The following CDH4 variants were observed in gnomAD, a reference collection of about 807,000 sequenced individuals.
CDH4 encodes the protein cadherin-4.
CDH4 carries 33 observed loss-of-function variants against 86.0 expected under a neutral mutation model. The observed-to-expected ratio is 0.38, with a 90% CI of 0.29 to 0.51. CDH4 has a LOEUF of 0.51. Among genes scored for constraint, CDH4 ranks in the 20% least tolerant of loss-of-function variants. The pLI is 0.86. For synonymous variants in CDH4, 555 were observed against 549.4 expected (o/e 1.01, Z -0.14); for missense variants, 1,114 against 1,307.4 (o/e 0.85, Z 2.28).
intron 2 of CDH4, among the ~76,000 whole-genome samples, chr20:61,562,172 C>T (rs1379079635): frequency 3.0e-5 from 3 of 98,620 alleles, no homozygotes; most frequent in East Asian, 3.2e-4. Flanking sequence ...AGAGGGACCT[C>T]CCTGTGGAGA....
intron 2 of CDH4, among the ~76,000 whole-genome samples, chr20:61,653,437 C>T (rs1482415883): frequency 1.5e-5 from 2 of 136,946 alleles, no homozygotes; most frequent in Non-Finnish European, 3.3e-5. Context: ...GGCCCGTTCT[C>T]AATGAGCTGT....
At chr20:61,434,318 CCT>C (rs1392795547) in intron 2 of CDH4, among the ~76,000 whole-genome samples, 2 of 152,154 alleles carry the variant, frequency 1.3e-5, no homozygotes, top group African/African-American at 4.8e-5. Context: ...AAGCTAGTCC[CCT>C]CTCTCCGCTA....
chr20:61,844,678 A>G lies in CDH4; in HGVS notation c.587A>G (p.Asp196Gly). Residue 196 changes from aspartate to glycine, a missense_variant, in exon 5 of 16, where the codon GAC becomes GGC. By Grantham distance (94) the Asp-to-Gly change is moderately conservative (BLOSUM62 -1). Coordinates refer to ENST00000614565, the MANE Select transcript of CDH4 (RefSeq NM_001794.5). ...GCTCCTGCCTTTCAGATCCGGTCCG[A>G]CAAAGACAATGACATCCCCATCCGG... ...FPQQLVRIRS[D>G]KDNDIPIRYS... 1 of 1,611,870 alleles carries G rather than the reference A, an allele frequency of 6.2e-7. No individual in the cohort carries two copies. The highest frequency in any genetic ancestry group is 8.5e-7 in the Non-Finnish European group (1 of 1,178,354).
At chr20:61,668,309 A>G (rs1009104639) in intron 2 of CDH4, among the ~76,000 whole-genome samples, 1 of 152,246 alleles carries the variant, frequency 6.6e-6, no homozygotes, top group Non-Finnish European at 1.5e-5. Flanking sequence ...AGACACGCAC[A>G]TGCATGTGCA....
chr20:61,490,992 G>A (rs190196252), intron 2 of CDH4, among the ~76,000 whole-genome samples: 4 of 152,260 alleles, frequency 2.6e-5, no homozygotes, highest in East Asian at 1.9e-4. Context: ...GGAATTTCTC[G>A]CCCACACTGG....
rs199968076 is a variant in CDH4 at position 61,415,324 on chromosome 20, G to GA, written c.169+160395dup. Among the ~76,000 whole-genome samples, 89 of 151,858 alleles carry GA rather than the reference G, an allele frequency of 5.9e-4. No individual in the cohort carries two copies. In the East Asian group the frequency reaches 0.014, roughly 25 times the overall value. ...TTTTAAATGTCTTAGTGGCCATGTT[G>GA]AAAAAAAAGTGAAAAGAAACAGTAA... On this transcript the variant is annotated intron_variant, in intron 2 of 15. Transcript: ENST00000614565.
chr20:61,441,144 C>T (rs919110668), intron 2 of CDH4, among the ~76,000 whole-genome samples: 4 of 152,214 alleles, frequency 2.6e-5, no homozygotes, highest in African/African-American at 9.6e-5. Context: ...CCACAGGTCA[C>T]GCAGAATCTC....
chr20:61,862,891 A>G (rs1187729129), intron 6 of CDH4, among the ~76,000 whole-genome samples: 1 of 152,198 alleles, frequency 6.6e-6, no homozygotes, highest in Non-Finnish European at 1.5e-5. Context: ...ACCTTCATCT[A>G]TACAGCACCG....
chr20:61,788,198 C>T (rs1978987174), intron 4 of CDH4, among the ~76,000 whole-genome samples: 3 of 152,184 alleles, frequency 2.0e-5, no homozygotes, highest in East Asian at 1.9e-4. Context: ...ACAGACTGGA[C>T]ATCTGTGACC....
chr20:61,746,471 G>A (rs1482259694), intron 3 of CDH4, among the ~76,000 whole-genome samples: 1 of 152,220 alleles, frequency 6.6e-6, no homozygotes, highest in Non-Finnish European at 1.5e-5. Flanking sequence ...GTTACATCAT[G>A]GATGAGGGTG....
At position 61,392,042 on chromosome 20, in the gene CDH4, T is replaced by TC. The variant is rs2084989160; in HGVS notation, c.169+137110dup. ...GGAGAGCTGGCTACTTCTCAACCCT[T>TC]CCCCCGCCTCGCTTGCCGTGGGTTT... On this transcript the variant is annotated intron_variant, in intron 2 of 15. Coordinates refer to ENST00000614565, the MANE Select transcript of CDH4 (RefSeq NM_001794.5). The surrounding 1 kb of genome is among the most constrained non-coding windows in gnomAD (Gnocchi z 5.7). 6.6e-6 allele frequency among the ~76,000 whole-genome samples: 1 copy of TC among 152,064 alleles called. No individual in the cohort carries two copies. The highest frequency in any genetic ancestry group is 6.5e-5 in the Admixed American group (1 of 15,272).
chr20:61,765,909 C>T (rs1019836169), intron 3 of CDH4, among the ~76,000 whole-genome samples: 1 of 152,094 alleles, frequency 6.6e-6, no homozygotes, highest in African/African-American at 2.4e-5. Context: ...TTCCCTGGAG[C>T]AGTCACCTGG....
Position 61,565,233 on chromosome 20 carries a change from G to T in CDH4, c.170-178330G>T, listed in dbSNP as rs376483639. Among the ~76,000 whole-genome samples the T allele has an allele frequency of 6.4e-4, 30 of 46,758 alleles. 2 individuals carry two copies. The highest frequency in any genetic ancestry group is 2.0e-3 in the African/African-American group (16 of 7,992). The allele number at this position is 46,758 out of a possible 152,430, so 30.7% of individuals were successfully genotyped here. On this transcript the variant is annotated intron_variant, in intron 2 of 15. Transcript: ENST00000614565. ...GTGCTCTCGGTGGTAGGTGGTGGTGGTGGTGGTGGCGGTGCTCTTGGTGAT... is the reference window on the plus strand; with the variant it reads ...GTGCTCTCGGTGGTAGGTGGTGGTGTTGGTGGTGGCGGTGCTCTTGGTGAT...
chr20:61,260,659 A>G (rs977883644), intron 2 of CDH4, among the ~76,000 whole-genome samples: 4 of 152,122 alleles, frequency 2.6e-5, no homozygotes, highest in Non-Finnish European at 5.9e-5. Context: ...CCAGACCCCC[A>G]CTGCCTCCAT....
chr20:61,803,809 C>T (rs977480742), intron 4 of CDH4, among the ~76,000 whole-genome samples: 3 of 152,244 alleles, frequency 2.0e-5, no homozygotes, highest in African/African-American at 4.8e-5. Flanking sequence ...TCCAGTGGCT[C>T]TGCAGCTTAG....
At chr20:61,891,049 T>C (rs1448238568) in intron 7 of CDH4, among the ~76,000 whole-genome samples, 1 of 150,936 alleles carries the variant, frequency 6.6e-6, no homozygotes, top group Non-Finnish European at 1.5e-5. Context: ...GAAGGAAGAG[T>C]GGGGTCTCAC....
chr20:61,857,317 C>T (rs1406729181), intron 6 of CDH4, among the ~76,000 whole-genome samples: 4 of 152,234 alleles, frequency 2.6e-5, no homozygotes, highest in Admixed American at 2.6e-4. Flanking sequence ...GTATGTGACC[C>T]TAAGGCTGGT....
chr20:61,302,357 C>G lies in CDH4; in HGVS notation c.169+47420C>G, dbSNP rs140488760. The stretch of plus-strand genomic sequence containing the variant: ...GCCAATTCATTATGCGTTTTCAAGA[C>G]TTTGCAAGCAGGTCTTTCTAAAATT... On this transcript the variant is annotated intron_variant, in intron 2 of 15. Transcript: ENST00000614565. Among the ~76,000 whole-genome samples the G allele has an allele frequency of 8.0e-3, 1,224 of 152,322 alleles. 18 individuals carry two copies. Among genetic ancestry groups the G allele is most frequent in the African/African-American group, 0.028 (1,162 of 41,578 alleles).
At chr20:61,520,289 C>G (rs1265825054) in intron 2 of CDH4, among the ~76,000 whole-genome samples, 1 of 152,196 alleles carries the variant, frequency 6.6e-6, no homozygotes, top group Non-Finnish European at 1.5e-5. Context: ...GGTGACTGCC[C>G]AGTCCTGCTG....
Sources: gnomAD v4.1 joint callset for allele counts (sites outside exome capture counted in the v4.1 genomes callset) on GRCh38, gnomAD v4.1.1 for gene constraint, Gnocchi (gnomAD v3.1) non-coding constraint, MANE v1.5 for transcripts, NCBI Gene and HGNC (gene_info 2026-07-23, HGNC 2026-07-21) for gene names.